The following ATP8B4 variants were observed in gnomAD, a reference collection of about 807,000 sequenced individuals.
ATP8B4 encodes ATPase phospholipid transporting 8B4 (putative).
A neutral mutation model predicts 145.6 loss-of-function variants in ATP8B4; 133 were observed. The ratio of observed to expected loss-of-function variants is 0.91; its 90% CI spans 0.79 to 1.05. ATP8B4 has a LOEUF of 1.05. Among genes scored for constraint, ATP8B4 ranks in the 50% least tolerant of loss-of-function variants. ATP8B4 has a pLI of 0.00. For missense variants in ATP8B4, 1,458 were observed against 1,425.2 expected (o/e 1.02, Z -0.37); for synonymous variants, 507 against 492.9 (o/e 1.03, Z -0.38).
intron 20 of ATP8B4, among the ~76,000 whole-genome samples, chr15:49,910,689 A>G (rs1424133358): frequency 1.3e-5 from 2 of 152,202 alleles, no homozygotes; most frequent in Non-Finnish European, 2.9e-5. Flanking sequence ...ATAACAGGAT[A>G]ATACATTCAA....
chr15:49,984,093 A>G (rs573738308), intron 10 of ATP8B4, among the ~76,000 whole-genome samples: 1 of 152,334 alleles, frequency 6.6e-6, no homozygotes, highest in East Asian at 1.9e-4. Context: ...TCTACATTTC[A>G]CCTATAATCT....
intron 1 of ATP8B4, among the ~76,000 whole-genome samples, chr15:50,142,595 G>T (rs1054331232): frequency 2.6e-5 from 4 of 152,190 alleles, no homozygotes; most frequent in African/African-American, 9.7e-5. Flanking sequence ...CTCAGTGGAA[G>T]AGTCTGTGGT....
chr15:49,929,024 C>A (rs1186963956), intron 16 of ATP8B4, among the ~76,000 whole-genome samples: 1 of 152,084 alleles, frequency 6.6e-6, no homozygotes, highest in Non-Finnish European at 1.5e-5. Context: ...CACCTCAGAC[C>A]AGCTAAATAA....
intron 25 of ATP8B4, among the ~76,000 whole-genome samples, chr15:49,873,168 G>A (rs1056768899): frequency 6.6e-6 from 1 of 152,180 alleles, no homozygotes; most frequent in African/African-American, 2.4e-5. Flanking sequence ...CTGCTGAGAA[G>A]GGTAATTTGC....
rs1363590310 is a variant in ATP8B4, at chr15:49,934,160, G to A, written c.1310C>T (p.Ser437Leu). 1 of 1,610,992 alleles carries A rather than the reference G, an allele frequency of 6.2e-7. No individual in the cohort carries two copies. The highest frequency in any genetic ancestry group is 8.5e-7 in the Non-Finnish European group (1 of 1,178,786). Residue 437 changes from serine to leucine, a missense_variant, in exon 15 of 28, where the codon TCA becomes TTA. Ser to Leu is a moderately radical substitution (Grantham distance 145). Transcript: ENST00000284509. ...TTCTCTATCCGCTTGAGATTTGACTGAGAAATCCACAGGCTCTTTTTCCTG... is the reference window on the plus strand; with the variant it reads ...TTCTCTATCCGCTTGAGATTTGACTAAGAAATCCACAGGCTCTTTTTCCTG... ...ITQEKEPVDFSVKSQADREFQ... is the reference protein window; with the variant it reads ...ITQEKEPVDFLVKSQADREFQ...
rs200368948 is a variant in ATP8B4, at chr15:49,860,307, T to C, written c.3466A>G (p.Thr1156Ala). The change falls in exon 28 of 28, where the codon ACA (threonine) becomes GCA (alanine). Residue 1156 changes from threonine (T) to alanine (A), a missense_variant. Coordinates refer to ENST00000284509, the MANE Select transcript of ATP8B4 (RefSeq NM_024837.4). The stretch of plus-strand genomic sequence containing the variant: ...TAATGTGTCTTTTCCAGCCCTGATG[T>C]TGGGGGTGGATTTTTAGCTCGCATA... Reference protein sequence around the residue: ...KNMRAKNPPPTSGLEKTHYNS... With the variant: ...KNMRAKNPPPASGLEKTHYNS... 10 of 1,614,134 alleles carry C rather than the reference T, an allele frequency of 6.2e-6. No homozygotes were observed. The highest frequency in any genetic ancestry group is 3.3e-5 in the Admixed American group (2 of 60,022).
At chr15:50,128,433 G>A (rs1484448880) in intron 1 of ATP8B4, among the ~76,000 whole-genome samples, 1 of 152,228 alleles carries the variant, frequency 6.6e-6, no homozygotes, top group Non-Finnish European at 1.5e-5. Flanking sequence ...CTATGTTCCT[G>A]CCTCCTTGTG....
chr15:49,968,607 C>T (rs1017077775), intron 13 of ATP8B4, among the ~76,000 whole-genome samples: 8 of 151,980 alleles, frequency 5.3e-5, no homozygotes, highest in African/African-American at 1.9e-4. Context: ...AATACAGGAG[C>T]ACCCAGATTC....
At chr15:50,098,280 T>C (rs1171435841) in intron 2 of ATP8B4, among the ~76,000 whole-genome samples, 2 of 38,670 alleles carry the variant, frequency 5.2e-5, no homozygotes, top group Admixed American at 2.4e-4. Flanking sequence ...TTTTTTTTTT[T>C]TTTTTTTTTT....
intron 6 of ATP8B4, among the ~76,000 whole-genome samples, chr15:50,013,254 T>G (rs1019419690): frequency 6.6e-6 from 1 of 152,124 alleles, no homozygotes; most frequent in Non-Finnish European, 1.5e-5. Context: ...TGGCTCTACA[T>G]GTGTGATGCA....
At chr15:49,950,779 T>C (rs555208380) in intron 14 of ATP8B4, among the ~76,000 whole-genome samples, 1 of 152,316 alleles carries the variant, frequency 6.6e-6, no homozygotes, top group Admixed American at 6.5e-5. Context: ...CTAGCTCTTT[T>C]AATTGTAATG....
chr15:49,982,383 CAT>C (rs1281410102), intron 10 of ATP8B4: 2 of 152,088 alleles, frequency 1.3e-5, no homozygotes, highest in Non-Finnish European at 1.5e-5. Context: ...TTATTAAAAT[CAT>C]ATGAACATTG....
intron 13 of ATP8B4, among the ~76,000 whole-genome samples, chr15:49,965,120 T>G (rs1051962357): frequency 6.6e-6 from 1 of 152,152 alleles, no homozygotes; most frequent in African/African-American, 2.4e-5. Context: ...CTTGTGGAAG[T>G]CCAGGTTGGA....
intron 13 of ATP8B4, among the ~76,000 whole-genome samples, chr15:49,965,143 T>A (rs879522130): frequency 6.6e-6 from 1 of 152,216 alleles, no homozygotes. Context: ...TCATCTTGTC[T>A]ACTGCCAGAG....
chr15:50,127,705 G>A (rs1477865379), intron 1 of ATP8B4, among the ~76,000 whole-genome samples: 1 of 152,206 alleles, frequency 6.6e-6, no homozygotes, highest in Non-Finnish European at 1.5e-5. Flanking sequence ...TACAGAACTA[G>A]AAGACTGCAC....
intron 13 of ATP8B4, among the ~76,000 whole-genome samples, chr15:49,966,153 C>A (rs890934694): frequency 1.1e-4 from 16 of 152,224 alleles, no homozygotes; most frequent in African/African-American, 3.9e-4. Context: ...CAGGTGCCTA[C>A]ACCACCAGGG....
rs566611487 is a variant in ATP8B4 at position 49,990,171 on chromosome 15, G to A, written c.590-2622C>T. ...ACTGAAAAAAGGTGAGAGCATTAAA[G>A]TGCATTAGAAGCAACCAAAATGAGA... On this transcript the variant is annotated intron_variant, in intron 9 of 27. Transcript: ENST00000284509. Among the ~76,000 whole-genome samples, 4 of 152,264 alleles carry A rather than the reference G, an allele frequency of 2.6e-5. No homozygotes were observed. In the South Asian group the frequency reaches 8.3e-4, roughly 32 times the overall value.
At chr15:49,994,295 AG>A (rs1389854191) in intron 9 of ATP8B4, among the ~76,000 whole-genome samples, 8 of 152,068 alleles carry the variant, frequency 5.3e-5, no homozygotes, top group Non-Finnish European at 8.8e-5. Flanking sequence ...AGGAAGCTAA[AG>A]CTTCCTCCTC....
intron 24 of ATP8B4, among the ~76,000 whole-genome samples, chr15:49,878,866 G>A (rs1003078738): frequency 1.3e-5 from 2 of 152,174 alleles, no homozygotes; most frequent in Non-Finnish European, 2.9e-5. Flanking sequence ...GCAGATGTTC[G>A]CAACAAGGGA....
Sources: gnomAD v4.1 joint callset for allele counts (sites outside exome capture counted in the v4.1 genomes callset) on GRCh38, gnomAD v4.1.1 for gene constraint, MANE v1.5 for transcripts, NCBI Gene and HGNC (gene_info 2026-07-23, HGNC 2026-07-21) for gene names.